The following PCDH11X variants were observed in gnomAD, a reference collection of about 807,000 sequenced individuals.
The protein encoded by PCDH11X is protocadherin-11 X-linked.
A neutral mutation model predicts 53.3 loss-of-function variants in PCDH11X; 18 were observed. The ratio of observed to expected loss-of-function variants is 0.34; its 90% confidence interval spans 0.23 to 0.50. PCDH11X has a LOEUF of 0.50. PCDH11X is among the 20% of genes least tolerant of loss of function. The probability of loss-of-function intolerance (pLI) is 0.98; values close to 1 mark genes in which losing one functional copy is unlikely to be tolerated. For synonymous variants in PCDH11X, 279 were observed against 393.3 expected (o/e 0.71, Z 3.44); for missense variants, 570 against 1,032.4 (o/e 0.55, Z 6.14).
chrX:92,257,047 A>G (rs763590145), intron 7 of PCDH11X, among the ~76,000 whole-genome samples: 56 of 112,066 alleles, frequency 5.0e-4, no homozygotes, highest in African/African-American at 1.8e-3. Context: ...CCAATTGTAC[A>G]GAAAGCATAG....
rs10611094 is a variant in PCDH11X at position 91,940,695 on chromosome X, A to AT, written c.3033+61440dup. Among the ~76,000 whole-genome samples, 536 of 84,888 alleles carry AT rather than the reference A, an allele frequency of 6.3e-3. 2 individuals carry two copies. The highest frequency in any genetic ancestry group is 0.01 in the Non-Finnish European group (440 of 43,803). The allele number at this position is 84,888 out of a possible 115,157, so 73.7% of individuals were successfully genotyped here. A position where few individuals can be genotyped will look rare whatever the true frequency, so the allele number is the denominator to read the frequency against. On this transcript the variant is annotated intron_variant, in intron 6 of 10. Transcript: ENST00000682573. The stretch of plus-strand genomic sequence containing the variant: ...AGGGTTACCACACATGGCTAATAGA[A>AT]TTTTTTTTTTTTTTTTTTGTAGAGA...
chrX:92,379,975 A>ACCCC, intron 8 of PCDH11X, among the ~76,000 whole-genome samples: 1 of 94,317 alleles, frequency 1.1e-5, no homozygotes, highest in Non-Finnish European at 2.2e-5. Flanking sequence ...CTGAAACACC[A>ACCCC]CCCCCCCCAC....
chrX:92,420,490 T>C (rs2071938694), intron 9 of PCDH11X: 1 of 349,212 alleles, frequency 2.9e-6, no homozygotes, highest in Non-Finnish European at 5.5e-6. Flanking sequence ...CAATGAGTTC[T>C]GTGAGTTTCC....
chrX:92,338,708 T>G (rs768027508), intron 8 of PCDH11X, among the ~76,000 whole-genome samples: 1 of 111,299 alleles, frequency 9.0e-6, no homozygotes, highest in South Asian at 3.8e-4. Flanking sequence ...CAATAGGCAA[T>G]CAAATCAAGT....
intron 7 of PCDH11X, among the ~76,000 whole-genome samples, chrX:92,261,072 A>AT (rs763344410): frequency 8.0e-4 from 86 of 107,059 alleles, no homozygotes; most frequent in African/African-American, 1.9e-3. Context: ...TCCAGCATTG[A>AT]TTTTTTTTTT....
intron 7 of PCDH11X, among the ~76,000 whole-genome samples, chrX:92,213,665 A>G (rs2066633360): frequency 9.0e-6 from 1 of 111,455 alleles, no homozygotes; most frequent in Non-Finnish European, 1.9e-5. Flanking sequence ...CCATAGATAA[A>G]AGGCTTATGA....
intron 10 of PCDH11X, among the ~76,000 whole-genome samples, chrX:92,502,270 C>A (rs2750837): frequency 0.3 from 33,199 of 108,869 alleles, 4,129 homozygotes; most frequent in Non-Finnish European, 0.37. Context: ...GGAAGAATCA[C>A]TATTGTAAAA....
intron 6 of PCDH11X, among the ~76,000 whole-genome samples, chrX:92,189,395 C>T (rs1569413767): frequency 9.0e-6 from 1 of 111,692 alleles, no homozygotes; most frequent in East Asian, 2.8e-4. Context: ...GATCTTGTTC[C>T]TTTTTATGGC....
chrX:91,801,282 G>T (rs1269416183), intron 1 of PCDH11X, among the ~76,000 whole-genome samples: 1 of 108,667 alleles, frequency 9.2e-6, no homozygotes, highest in East Asian at 2.9e-4. Flanking sequence ...GAATTTAAAA[G>T]GAAACATAAA....
At chrX:92,186,722 A>C (rs916576044) in intron 6 of PCDH11X, among the ~76,000 whole-genome samples, 4 of 110,573 alleles carry the variant, frequency 3.6e-5, no homozygotes, top group Admixed American at 9.7e-5. Context: ...ACACAAAATT[A>C]CAGATAGATA....
intron 10 of PCDH11X, among the ~76,000 whole-genome samples, chrX:92,484,127 ATGTATATATGTAT>A (rs1569494434): frequency 1.5e-3 from 138 of 90,173 alleles, no homozygotes; most frequent in Middle Eastern, 0.01. Context: ...TAGTATATAT[ATGTATATATGTAT>A]GTATATATAT....
rs184295224 is a variant in PCDH11X, at chrX:92,392,993, C to T, written c.3343+5060C>T. ...AGTCCACAGTTCAGCTAATGTTACC[C>T]GTATAACTGTTAATTAAGTGTTTTT... On this transcript the variant is annotated intron_variant, in intron 9 of 10. Transcript: ENST00000682573. Among the ~76,000 whole-genome samples the T allele has an allele frequency of 8.6e-3, 953 of 110,342 alleles. 17 individuals are homozygous for T. The highest frequency in any genetic ancestry group is 0.03 in the African/African-American group (921 of 30,561).
At chrX:91,918,611 G>C in intron 6 of PCDH11X, among the ~76,000 whole-genome samples, 2 of 109,481 alleles carry the variant, frequency 1.8e-5, no homozygotes, top group South Asian at 7.8e-4. Flanking sequence ...TCTAAAATCT[G>C]TTTCAGGAAC....
chrX:91,833,421 T>C (rs1246467277), intron 4 of PCDH11X, among the ~76,000 whole-genome samples: 2 of 109,886 alleles, frequency 1.8e-5, no homozygotes, highest in Non-Finnish European at 3.8e-5. Flanking sequence ...TTTTATATTA[T>C]GTAATCCCAA....
At chrX:92,129,258 G>C (rs914961115) in intron 6 of PCDH11X, among the ~76,000 whole-genome samples, 1 of 110,253 alleles carries the variant, frequency 9.1e-6, no homozygotes, top group Non-Finnish European at 1.9e-5. Flanking sequence ...AGGCATGGTG[G>C]TGCACGCCTG....
chrX:91,909,220 T>C (rs1027638508), intron 6 of PCDH11X, among the ~76,000 whole-genome samples: 9 of 111,612 alleles, frequency 8.1e-5, no homozygotes, highest in African/African-American at 2.6e-4. Flanking sequence ...GCCAACATAC[T>C]TTATTGGAAA....
At chrX:92,288,415 A>G (rs1354309234) in intron 8 of PCDH11X, among the ~76,000 whole-genome samples, 7 of 101,025 alleles carry the variant, frequency 6.9e-5, no homozygotes, top group African/African-American at 2.6e-4. Context: ...TTTGAGACAG[A>G]GTCTTGCTCT....
intron 8 of PCDH11X, among the ~76,000 whole-genome samples, chrX:92,361,866 C>T (rs186712614): frequency 1.8e-3 from 196 of 109,796 alleles, no homozygotes; most frequent in African/African-American, 5.8e-3. Context: ...TTTTACTTTA[C>T]GTTTGTATTA....
intron 6 of PCDH11X, chrX:91,882,867 A>G: frequency 1.7e-6 from 2 of 1,181,325 alleles, no homozygotes; most frequent in Non-Finnish European, 2.3e-6. Flanking sequence ...CTAGAACACA[A>G]CCATCTGATT....
Sources: allele counts gnomAD v4.1 joint callset (sites outside exome capture counted in the v4.1 genomes callset), GRCh38; gene constraint gnomAD v4.1.1; transcripts MANE v1.5; gene names NCBI Gene and HGNC (gene_info 2026-07-23, HGNC 2026-07-21).